NXPE2: variants seen among roughly 807,000 people sequenced by gnomAD.
NXPE2 encodes the protein NXPE family member 2.
Under a neutral mutation model 34.4 loss-of-function variants are expected in NXPE2, and 34 were observed. The observed-to-expected ratio is 0.99, with a 90% CI of 0.75 to 1.31. NXPE2 has a LOEUF of 1.31. Among genes scored for constraint, NXPE2 ranks in the 40% most tolerant of loss-of-function variants. NXPE2 has a pLI of 0.00. For synonymous variants in NXPE2, 235 were observed against 231.3 expected, an observed-to-expected ratio of 1.02 and a Z score of -0.15; for missense variants, 649 against 672.5, an observed-to-expected ratio of 0.97 and a Z score of 0.39.
the NXPE2 span, among the ~76,000 whole-genome samples, chr11:114,629,244 TG>T: frequency 2.6e-5 from 4 of 152,074 alleles, no homozygotes; most frequent in Admixed American, 6.6e-5. Context: ...CCAATATCCT[TG>T]ATGAACATTG....
chr11:114,799,503 G>C, the NXPE2 span, among the ~76,000 whole-genome samples: 2 of 152,190 alleles, frequency 1.3e-5, no homozygotes, highest in Non-Finnish European at 2.9e-5. Context: ...TAAGCCAGTG[G>C]GCACTTTGAG....
the NXPE2 span, chr11:114,583,123 T>G: frequency 8.0e-7 from 1 of 1,250,440 alleles, no homozygotes; most frequent in Non-Finnish European, 1.1e-6. Flanking sequence ...ATGTTCCTAG[T>G]CATTTTTACT....
the NXPE2 span, among the ~76,000 whole-genome samples, chr11:114,600,414 G>C: frequency 6.6e-6 from 1 of 152,050 alleles, no homozygotes; most frequent in Non-Finnish European, 1.5e-5. Context: ...CAAATAATCT[G>C]CCAAATAGTT....
chr11:114,666,727 G>A, the NXPE2 span, among the ~76,000 whole-genome samples: 1 of 152,084 alleles, frequency 6.6e-6, no homozygotes, highest in African/African-American at 2.4e-5. Context: ...GCTGGCATAT[G>A]CATGTGAGAA....
upstream of NXPE2, among the ~76,000 whole-genome samples, chr11:114,676,948 C>A (rs1282621437): frequency 6.6e-6 from 1 of 151,988 alleles, no homozygotes; most frequent in Admixed American, 6.6e-5. Context: ...AGAAGGAAAT[C>A]TTGCCATTTG....
the NXPE2 span, among the ~76,000 whole-genome samples, chr11:114,492,187 TC>T: frequency 6.6e-6 from 1 of 151,896 alleles, no homozygotes; most frequent in Admixed American, 6.6e-5. Flanking sequence ...AATAAAAACA[TC>T]AACTTTCCAT....
chr11:114,619,126 G>C, the NXPE2 span, among the ~76,000 whole-genome samples: 1 of 152,094 alleles, frequency 6.6e-6, no homozygotes, highest in Non-Finnish European at 1.5e-5. Context: ...GTGTTGCCTC[G>C]TGGGTAACCA....
the NXPE2 span, among the ~76,000 whole-genome samples, chr11:114,508,843 G>T: frequency 2.0e-5 from 3 of 151,528 alleles, no homozygotes. Context: ...CACAGGCAAA[G>T]ATTTCATGAT....
At chr11:114,724,844 CTTTT>C in the NXPE2 span, among the ~76,000 whole-genome samples, 1 of 121,576 alleles carries the variant, frequency 8.2e-6, no homozygotes, top group East Asian at 2.4e-4. Context: ...GCTTCCATGG[CTTTT>C]TTTTTTTTTT....
chr11:114,643,846 C>G, the NXPE2 span, among the ~76,000 whole-genome samples: 1 of 151,784 alleles, frequency 6.6e-6, no homozygotes, highest in Non-Finnish European at 1.5e-5. Context: ...CTATAAATTA[C>G]TTTAGGCAGA....
chr11:114,602,428 G>T, the NXPE2 span, among the ~76,000 whole-genome samples: 2 of 130,174 alleles, frequency 1.5e-5, no homozygotes, highest in African/African-American at 5.6e-5. Flanking sequence ...ATCAATAAAT[G>T]TAATTATAAT....
chr11:114,754,264 C>T, the NXPE2 span, among the ~76,000 whole-genome samples: 5,420 of 152,146 alleles, frequency 0.036, 148 homozygotes, highest in Middle Eastern at 0.085. Context: ...CTCTGGGCAT[C>T]CCTGACCTCA....
At chr11:114,560,531 T>C in the NXPE2 span, among the ~76,000 whole-genome samples, 1 of 152,182 alleles carries the variant, frequency 6.6e-6, no homozygotes, top group Non-Finnish European at 1.5e-5. Context: ...CCACCCAAAG[T>C]GCTGGGATTA....
At chr11:114,531,547 AC>A in the NXPE2 span, among the ~76,000 whole-genome samples, 1 of 151,944 alleles carries the variant, frequency 6.6e-6, no homozygotes, top group Non-Finnish European at 1.5e-5. Context: ...TCCCAACTTA[AC>A]CCCCTTCAAT....
At chr11:114,629,207 G>A in the NXPE2 span, among the ~76,000 whole-genome samples, 5 of 152,048 alleles carry the variant, frequency 3.3e-5, no homozygotes, top group African/African-American at 1.2e-4. Context: ...AAGCCGGGCA[G>A]AGACACAACC....
At chr11:114,801,527 T>C in the NXPE2 span, among the ~76,000 whole-genome samples, 1 of 152,234 alleles carries the variant, frequency 6.6e-6, no homozygotes, top group Non-Finnish European at 1.5e-5. Flanking sequence ...AAGTTAAGCA[T>C]GGGAATGGCA....
chr11:114,639,737 A>ATAAT, the NXPE2 span, among the ~76,000 whole-genome samples: 17 of 105,568 alleles, frequency 1.6e-4, 2 homozygotes, highest in African/African-American at 5.4e-4. Flanking sequence ...TATAATATAA[A>ATAAT]ATAATATATA....
chr11:114,583,453 C>G, the NXPE2 span: 3 of 667,500 alleles, frequency 4.5e-6, no homozygotes, highest in African/African-American at 5.4e-5. Flanking sequence ...TGACCAAGTA[C>G]CACAGTGATG....
chr11:114,568,557 C>A, the NXPE2 span, among the ~76,000 whole-genome samples: 39 of 151,702 alleles, frequency 2.6e-4, no homozygotes, highest in Non-Finnish European at 4.7e-4. Context: ...CTTCCTTCCT[C>A]CCTCAACTAC....
Sources: gnomAD v4.1 joint callset for allele counts (sites outside exome capture counted in the v4.1 genomes callset) on GRCh38, gnomAD v4.1.1 for gene constraint, MANE v1.5 for transcripts, NCBI Gene and HGNC (gene_info 2026-07-23, HGNC 2026-07-21) for gene names.